Variants in NPR2 observed in about 807,000 individuals in gnomAD.
NPR2 encodes the protein natriuretic peptide receptor 2.
A neutral mutation model predicts 120.7 loss-of-function variants in NPR2; 49 were observed. That is an observed-to-expected ratio of 0.41 (90% CI 0.32 to 0.52). NPR2 has a LOEUF of 0.52. Among genes scored for constraint, NPR2 ranks in the 20% least tolerant of loss-of-function variants. The pLI, the probability that NPR2 is intolerant of heterozygous loss-of-function variation, is 0.36. For synonymous variants in NPR2, 484 were observed against 519.8 expected (o/e 0.93, Z 0.94); for missense variants, 931 against 1,362.9 (o/e 0.68, Z 4.99).
At position 35,808,250 on chromosome 9, in the gene NPR2, TG is replaced by T; in HGVS notation, c.2713-258del. The T allele has an allele frequency of 6.2e-7, 1 of 1,614,254 alleles. No individual in the cohort carries two copies. The highest frequency in any genetic ancestry group is 8.5e-7 in the Non-Finnish European group (1 of 1,180,038). On this transcript the variant is annotated intron_variant, in intron 18 of 21. Transcript: ENST00000342694. The surrounding 1 kb of genome is among the most constrained non-coding windows in gnomAD (Gnocchi z 4.0). ...TGGCAGAGCCTATTTGTCCATGTCC[TG>T]CTGCAGACAGGGTGTTCATTCATTC... is the stretch of plus-strand genomic sequence containing the variant.
chr9:35,793,172 G>A, intron 1 of NPR2, 97 bp downstream of exon 1: 1 of 1,285,820 alleles, frequency 7.8e-7, no homozygotes. Context: ...TAGGCATTGA[G>A]CAGCTGTATG....
At position 35,794,893 on chromosome 9, in the gene NPR2, G is replaced by GA. The variant is rs1418887522; in HGVS notation, c.873+792dup. Among the ~76,000 whole-genome samples the GA allele has an allele frequency of 3.3e-5, 5 of 152,086 alleles. No homozygotes were observed. The East Asian group carries it at 9.7e-4, about 29-fold the overall frequency. ...ACAGTAGTGACAGAATTCAGGATTA[G>GA]AAGAGGGGGAGACCTGGGGCAGTGA... On this transcript the variant is annotated intron_variant, in intron 2 of 21. Transcript: ENST00000342694.
chr9:35,800,571 A>T lies in NPR2; in HGVS notation c.1218+88A>T. 1 of 1,567,634 alleles carries T rather than the reference A, an allele frequency of 6.4e-7. No homozygotes were observed. Among genetic ancestry groups the T allele is most frequent in the East Asian group, 2.2e-5 (1 of 44,616 alleles). On this transcript the variant is annotated intron_variant, in intron 5 of 21. Coordinates refer to ENST00000342694, the MANE Select transcript of NPR2 (RefSeq NM_003995.4). This position sits in a 1 kb window ranked among gnomAD's most constrained non-coding sequence, Gnocchi z 4.7. ...GTCGGGGCAGAACCAAAACTACTAG[A>T]TGAGGGATTTGTTTTCTCTGCTGGC...
At position 35,802,175 on chromosome 9, in the gene NPR2, C is replaced by T; in HGVS notation, c.1633-31C>T. 9.5e-6 allele frequency: 14 copies of T among 1,475,484 alleles called. No homozygotes were observed. Among genetic ancestry groups the T allele is most frequent in the Non-Finnish European group, 1.3e-5 (14 of 1,053,644 alleles). 91.4% of individuals were successfully genotyped at this position (1,475,484 alleles called of 1,614,324 possible). A position where few individuals can be genotyped will look rare whatever the true frequency, so the allele number is the denominator to read the frequency against. ...TTGTACCCAGAACTTCTGATATTCA[C>T]TTTCCTTTCCCCTTTCACTCCCACC... On this transcript the variant is annotated intron_variant, in intron 9 of 21. Transcript: ENST00000342694. This position sits in a 1 kb window ranked among gnomAD's most constrained non-coding sequence, Gnocchi z 4.2.
intron 2 of NPR2, 41 bp downstream of exon 2, chr9:35,794,144 T>G (rs745513665): frequency 1.3e-6 from 2 of 1,576,020 alleles, no homozygotes; most frequent in Non-Finnish European, 1.7e-6. Flanking sequence ...GGGGAAGAGG[T>G]GCTTCGCTGG....
Position 35,794,114 on chromosome 9 carries a change from A to AGCC in NPR2, c.873+12_873+14dup. ...AGAGAGGCCTTTCAGGTATCATTTGAGCCAAATCTGAAGGAGGAGGGGGAA... is the reference window on the plus strand; with the variant it reads ...AGAGAGGCCTTTCAGGTATCATTTGAGCCGCCAAATCTGAAGGAGGAGGGGGAA... On this transcript the variant is annotated intron_variant, in intron 2 of 21. Coordinates refer to ENST00000342694, the MANE Select transcript of NPR2 (RefSeq NM_003995.4). 6.2e-7 allele frequency: 1 copy of AGCC among 1,610,926 alleles called. No individual in the cohort carries two copies. The highest frequency in any genetic ancestry group is 8.5e-7 in the Non-Finnish European group (1 of 1,177,716).
Position 35,802,473 on chromosome 9 carries a change from C to G in NPR2, c.1711-30C>G, listed in dbSNP as rs776033555. ...TCTAATTTTTAACTCTTTCAATTTT[C>G]TTATCCTTCCCATTGTTTTTTTCTG... On this transcript the variant is annotated intron_variant, in intron 10 of 21. Transcript: ENST00000342694. This position sits in a 1 kb window ranked among gnomAD's most constrained non-coding sequence, Gnocchi z 4.2. 1 of 1,326,180 alleles carries G rather than the reference C, an allele frequency of 7.5e-7. No individual in the cohort carries two copies. Among genetic ancestry groups the G allele is most frequent in the Non-Finnish European group, 1.1e-6 (1 of 917,004 alleles). 82.2% of individuals were successfully genotyped at this position (1,326,180 alleles called of 1,614,324 possible). A position where few individuals can be genotyped will look rare whatever the true frequency, so the allele number is the denominator to read the frequency against.
chr9:35,799,966 AG>A (rs757532719), intron 3 of NPR2, 55 bp from the exon 4 acceptor site: 101 of 1,608,750 alleles, frequency 6.3e-5, no homozygotes, highest in Non-Finnish European at 8.2e-5. Context: ...CCCCAGAGAG[AG>A]GGGAAGGGGC....
At position 35,792,977 on chromosome 9, in the gene NPR2, C is replaced by G; in HGVS notation, c.569C>G (p.Ala190Gly). Reference sequence around the variant, plus strand: ...TTCACCATCGAGGGCGTCTTTGAGGCCCTGCAGGGCAGCAACCTCAGTGTG... The same window carrying G: ...TTCACCATCGAGGGCGTCTTTGAGGGCCTGCAGGGCAGCAACCTCAGTGTG... Reference protein sequence around the residue: ...HYFTIEGVFEALQGSNLSVQH... With the variant: ...HYFTIEGVFEGLQGSNLSVQH... The change falls in exon 1 of 22, where the codon GCC (alanine) becomes GGC (glycine). Residue 190 changes from alanine to glycine, a missense_variant. Coordinates refer to ENST00000342694, the MANE Select transcript of NPR2 (RefSeq NM_003995.4). 6.2e-7 allele frequency: 1 copy of G among 1,613,794 alleles called. No homozygotes were observed. The highest frequency in any genetic ancestry group is 8.5e-7 in the Non-Finnish European group (1 of 1,180,010).
At position 35,800,599 on chromosome 9, in the gene NPR2, T is replaced by C. The variant is rs1269495532; in HGVS notation, c.1219-110T>C. 2.5e-6 allele frequency: 4 copies of C among 1,591,462 alleles called. No individual in the cohort carries two copies. Among genetic ancestry groups the C allele is most frequent in the East Asian group, 2.2e-5 (1 of 44,772 alleles). ...AGGGATTTGTTTTCTCTGCTGGCAC[T>C]GCATCCTGGCTGGGTGGTAGGCTGG... On this transcript the variant is annotated intron_variant, in intron 5 of 21. Coordinates refer to ENST00000342694, the MANE Select transcript of NPR2 (RefSeq NM_003995.4). The surrounding 1 kb of genome is among the most constrained non-coding windows in gnomAD (Gnocchi z 4.7).
At chr9:35,803,681 T>A (rs1828258586) in intron 12 of NPR2, among the ~76,000 whole-genome samples, 1 of 152,254 alleles carries the variant, frequency 6.6e-6, no homozygotes, top group African/African-American at 2.4e-5. Flanking sequence ...TAAAATAGAA[T>A]CTTGCATGAG....
chr9:35,793,773 G>A, intron 1 of NPR2, 125 bp from the exon 2 acceptor site: 1 of 929,374 alleles, frequency 1.1e-6, no homozygotes, highest in Non-Finnish European at 1.7e-6. Flanking sequence ...ATCTGCTTTG[G>A]GGTTGATAGG....
At chr9:35,804,519 C>A (rs1485474944) in intron 12 of NPR2, among the ~76,000 whole-genome samples, 1 of 152,214 alleles carries the variant, frequency 6.6e-6, no homozygotes, top group Non-Finnish European at 1.5e-5. Context: ...AGGCATGAGC[C>A]ACTGAGCCCG....
Position 35,808,689 on chromosome 9 carries a change from G to A in NPR2, c.2887+6G>A. 6.2e-7 allele frequency: 1 copy of A among 1,613,874 alleles called. No individual in the cohort carries two copies. Among genetic ancestry groups the A allele is most frequent in the Non-Finnish European group, 8.5e-7 (1 of 1,179,868 alleles). ...ACGCATAGGGGTCCATACTGGTAAG[G>A]CTGACTCTCACTCCAGCCCTAGTCT... is the stretch of plus-strand genomic sequence containing the variant. On this transcript the variant is annotated splice_donor_region_variant and intron_variant, in intron 19 of 21. Transcript: ENST00000342694. The surrounding 1 kb of genome is among the most constrained non-coding windows in gnomAD (Gnocchi z 4.0).
chr9:35,803,042 T>C (rs889399909), intron 12 of NPR2, among the ~76,000 whole-genome samples: 1 of 152,230 alleles, frequency 6.6e-6, no homozygotes, highest in Admixed American at 6.5e-5. Flanking sequence ...CTTAAATATC[T>C]CAGGTCTCTT....
chr9:35,802,875 C>T lies in NPR2; in HGVS notation c.1887+72C>T. ...CCACTGTTCTTTGATTGTGGTTTTT[C>T]TCCTTCTAGTCCTCTGAAGTCCTGT... On this transcript the variant is annotated intron_variant, in intron 12 of 21. Coordinates refer to ENST00000342694, the MANE Select transcript of NPR2 (RefSeq NM_003995.4). The surrounding 1 kb of genome is among the most constrained non-coding windows in gnomAD (Gnocchi z 4.2). The T allele has an allele frequency of 9.7e-7, 1 of 1,035,410 alleles. No individual in the cohort carries two copies. The highest frequency in any genetic ancestry group is 1.5e-6 in the Non-Finnish European group (1 of 654,120). 64.1% of individuals were successfully genotyped at this position (1,035,410 alleles called of 1,614,324 possible).
At position 35,809,314 on chromosome 9, in the gene NPR2, G is replaced by C; in HGVS notation, c.3079-66G>C. On this transcript the variant is annotated intron_variant, in intron 21 of 21. Transcript: ENST00000342694. The surrounding 1 kb of genome is among the most constrained non-coding windows in gnomAD (Gnocchi z 4.1). ...TGAAAGTGATTATGGGAATCATAGG[G>C]AAAGAGAGGGAGACAAAGGGACTAA... The C allele has an allele frequency of 6.2e-7, 1 of 1,610,874 alleles. No individual in the cohort carries two copies. The highest frequency in any genetic ancestry group is 8.5e-7 in the Non-Finnish European group (1 of 1,177,330).
intron 2 of NPR2, among the ~76,000 whole-genome samples, chr9:35,799,303 G>T (rs1478263621): frequency 6.6e-6 from 1 of 151,990 alleles, no homozygotes; most frequent in Non-Finnish European, 1.5e-5. Context: ...AAGATGTTGG[G>T]CTGGGCTTTG....
chr9:35,797,070 C>G (rs1827968006), intron 2 of NPR2, among the ~76,000 whole-genome samples: 1 of 152,196 alleles, frequency 6.6e-6, no homozygotes, highest in Non-Finnish European at 1.5e-5. Flanking sequence ...ATTTTTCTCT[C>G]CCATTTAGCC....
Sources: gnomAD v4.1 joint callset for allele counts (sites outside exome capture counted in the v4.1 genomes callset) on GRCh38, gnomAD v4.1.1 for gene constraint, Gnocchi (gnomAD v3.1) non-coding constraint, MANE v1.5 for transcripts, NCBI Gene and HGNC (gene_info 2026-07-23, HGNC 2026-07-21) for gene names.